Variants in TRAF3IP2 observed in about 807,000 individuals in gnomAD.
TRAF3IP2 encodes the protein TRAF3 interacting protein 2.
A neutral mutation model predicts 57.9 loss-of-function variants in TRAF3IP2; 35 were observed. That is an observed-to-expected ratio of 0.60 (90% CI 0.46 to 0.80). The LOEUF (loss-of-function observed/expected upper bound fraction) is 0.80, where lower values mean the gene tolerates loss of function less well. Ranked by LOEUF, TRAF3IP2 falls within the 30% of genes least tolerant of loss-of-function variation. TRAF3IP2 has a pLI of 0.00. For missense variants in TRAF3IP2, 556 were observed against 706.4 expected (o/e 0.79, Z 2.41); for synonymous variants, 251 against 268.9 (o/e 0.93, Z 0.65).
At chr6:111,599,715 CA>C (rs929207190) in intron 1 of TRAF3IP2, among the ~76,000 whole-genome samples, 5 of 152,080 alleles carry the variant, frequency 3.3e-5, no homozygotes, top group African/African-American at 1.2e-4. Flanking sequence ...CAGAGTTCAC[CA>C]AAAAGCTTTT....
Position 111,591,338 on chromosome 6 carries a change from A to T in TRAF3IP2, c.749T>A (p.Met250Lys), listed in dbSNP as rs754775237. The change falls in exon 2 of 9, where the codon ATG becomes AAG. Residue 250 changes from methionine to lysine, a missense_variant. Physicochemically the swap from Met to Lys is moderately conservative, Grantham distance 95. Coordinates refer to ENST00000368761, the MANE Select transcript of TRAF3IP2 (RefSeq NM_147686.4). This position sits in a 1 kb window ranked among gnomAD's most constrained non-coding sequence, Gnocchi z 4.9. ...EPQRYPACAQ[M>K]LPPNLSPHAP... ...ATGTGGGGAAAGATTGGGAGGCAGC[A>T]TCTGTGCACATGCTGGATACCTCTG... 5.2e-6 allele frequency: 8 copies of T among 1,524,280 alleles called. No homozygotes were observed. In the Admixed American group the frequency reaches 1.3e-4, roughly 26 times the overall value. 94.4% of individuals were successfully genotyped at this position (1,524,280 alleles called of 1,614,324 possible). A position where few individuals can be genotyped will look rare whatever the true frequency, so the allele number is the denominator to read the frequency against.
At chr6:111,571,194 G>C (rs1206991725) in intron 5 of TRAF3IP2, among the ~76,000 whole-genome samples, 1 of 151,708 alleles carries the variant, frequency 6.6e-6, no homozygotes, top group Non-Finnish European at 1.5e-5. Flanking sequence ...TCCTGCCTCA[G>C]CCTCCCAAGT....
intron 1 of TRAF3IP2, chr6:111,597,975 G>C: frequency 2.2e-6 from 1 of 446,028 alleles, no homozygotes; most frequent in East Asian, 7.0e-5. Flanking sequence ...CTCCTCAGGG[G>C]AACAGGAGAC....
Position 111,591,611 on chromosome 6 carries a change from G to A in TRAF3IP2, c.476C>T (p.Ser159Leu), listed in dbSNP as rs372064320. Residue 159 changes from serine to leucine, a missense_variant, in exon 2 of 9, where the codon TCA (serine) becomes TTA (leucine). This residue lies in a region of TRAF3IP2 where 428 missense variants were observed against 498.7 expected (regional missense o/e 0.86). Transcript: ENST00000368761. This position sits in a 1 kb window ranked among gnomAD's most constrained non-coding sequence, Gnocchi z 4.9. ...TGAGGCATTAGGTAAACTTTGGTCTGATTTGTCTGAGTCATGGCCAGTGTC... is the reference window on the plus strand; with the variant it reads ...TGAGGCATTAGGTAAACTTTGGTCTAATTTGTCTGAGTCATGGCCAGTGTC... ...SPDTGHDSDK[S>L]DQSLPNASAD... 4 of 1,614,238 alleles carry A rather than the reference G, an allele frequency of 2.5e-6. No homozygotes were observed. The highest frequency in any genetic ancestry group is 3.4e-6 in the Non-Finnish European group (4 of 1,180,040).
chr6:111,567,623 C>T lies in TRAF3IP2; in HGVS notation c.1359+1G>A. 1 of 1,606,356 alleles carries T rather than the reference C, an allele frequency of 6.2e-7. No individual in the cohort carries two copies. The highest frequency in any genetic ancestry group is 8.5e-7 in the Non-Finnish European group (1 of 1,176,964). ...AACTCTGGTTTTTGGAATGTACTTACATCCCTAAGGTAGCGCTCCATCCAT... is the reference window on the plus strand; with the variant it reads ...AACTCTGGTTTTTGGAATGTACTTATATCCCTAAGGTAGCGCTCCATCCAT... On this transcript the variant is annotated splice_donor_variant, in intron 6 of 8. Transcript: ENST00000368761. LOFTEE classifies it high-confidence loss of function.
chr6:111,568,265 T>G (rs1387370110), intron 5 of TRAF3IP2, among the ~76,000 whole-genome samples: 1 of 152,156 alleles, frequency 6.6e-6, no homozygotes, highest in Non-Finnish European at 1.5e-5. Context: ...GGGAAGAGGT[T>G]TATGATGAAA....
intron 5 of TRAF3IP2, among the ~76,000 whole-genome samples, chr6:111,569,768 A>G (rs1268045038): frequency 6.6e-6 from 1 of 152,224 alleles, no homozygotes; most frequent in Non-Finnish European, 1.5e-5. Context: ...AAAAAATTAA[A>G]TAAATAAAAA....
chr6:111,588,895 T>C (rs1796419470), intron 2 of TRAF3IP2, among the ~76,000 whole-genome samples: 1 of 152,180 alleles, frequency 6.6e-6, no homozygotes, highest in Non-Finnish European at 1.5e-5. Flanking sequence ...ACTATTTTAA[T>C]TTTAGATTAA....
intron 1 of TRAF3IP2, chr6:111,598,344 G>A (rs1217443795): frequency 6.1e-6 from 1 of 165,016 alleles, no homozygotes; most frequent in Non-Finnish European, 1.3e-5. Flanking sequence ...AATTTCCCCT[G>A]CAGAGATATG....
intron 5 of TRAF3IP2, 63 bp downstream of exon 5, chr6:111,572,832 C>CT: frequency 7.7e-7 from 1 of 1,292,598 alleles, no homozygotes; most frequent in South Asian, 1.2e-5. Flanking sequence ...TTTTCTTCTG[C>CT]TGCTTTTCTC....
chr6:111,573,040 A>G, intron 4 of TRAF3IP2, 57 bp from the exon 5 acceptor site: 4 of 1,339,116 alleles, frequency 3.0e-6, no homozygotes, highest in Non-Finnish European at 4.3e-6. Context: ...ATTGTAAACA[A>G]ACTTCTAAAT....
intron 1 of TRAF3IP2, among the ~76,000 whole-genome samples, chr6:111,596,589 G>A (rs892611892): frequency 2.6e-5 from 4 of 152,238 alleles, no homozygotes; most frequent in Non-Finnish European, 4.4e-5. Flanking sequence ...GAGTAGCTGT[G>A]ATTACAGGTG....
chr6:111,583,863 T>C (rs7766190), intron 2 of TRAF3IP2, among the ~76,000 whole-genome samples: 91,899 of 151,874 alleles, frequency 0.61, 28,109 homozygotes, highest in Admixed American at 0.68. Context: ...CTGCTGTCCA[T>C]TTGTTTTGGG....
intron 7 of TRAF3IP2, among the ~76,000 whole-genome samples, chr6:111,566,029 C>G (rs1795624182): frequency 6.6e-6 from 1 of 152,166 alleles, no homozygotes; most frequent in Non-Finnish European, 1.5e-5. Context: ...CAGCAGGTGT[C>G]CCTTTCACTA....
chr6:111,595,321 C>G (rs1330091524), intron 1 of TRAF3IP2, among the ~76,000 whole-genome samples: 1 of 152,172 alleles, frequency 6.6e-6, no homozygotes, highest in Non-Finnish European at 1.5e-5. Context: ...GAAACAACTT[C>G]TAATAAAACT....
At chr6:111,604,173 G>T (rs1194470585) in intron 1 of TRAF3IP2, among the ~76,000 whole-genome samples, 2 of 152,128 alleles carry the variant, frequency 1.3e-5, no homozygotes, top group Admixed American at 6.5e-5. Flanking sequence ...GTCAGCTAGG[G>T]CCTGTTTGAA....
rs752583742 is a variant in TRAF3IP2, at chr6:111,591,479, G to A, written c.608C>T (p.Pro203Leu). ...PTIDTGYDSQPQDVLGIRQLE... is the reference protein window; with the variant it reads ...PTIDTGYDSQLQDVLGIRQLE... ...CTGCCTGATGCCCAGGACATCCTGG[G>A]GCTGGGAATCATATCCCGTGTCTAT... The change falls in exon 2 of 9, where the codon CCC (proline) becomes CTC (leucine). Residue 203 changes from proline (P) to leucine (L), a missense_variant. By Grantham distance (98) the Pro-to-Leu change is moderately conservative. Transcript: ENST00000368761. This position sits in a 1 kb window ranked among gnomAD's most constrained non-coding sequence, Gnocchi z 4.9. 7 of 1,605,248 alleles carry A rather than the reference G, an allele frequency of 4.4e-6. No homozygotes were observed.
intron 2 of TRAF3IP2, among the ~76,000 whole-genome samples, chr6:111,581,365 A>G (rs1237996234): frequency 2.0e-5 from 3 of 152,170 alleles, no homozygotes; most frequent in South Asian, 4.1e-4. Context: ...AGCACCTCCT[A>G]GTGATCCAAG....
intron 1 of TRAF3IP2, among the ~76,000 whole-genome samples, chr6:111,597,522 CA>C (rs1395129060): frequency 6.6e-6 from 1 of 152,220 alleles, no homozygotes; most frequent in Non-Finnish European, 1.5e-5. Flanking sequence ...AATGCCACAT[CA>C]GGGGGCCACA....
Sources: allele counts gnomAD v4.1 joint callset (sites outside exome capture counted in the v4.1 genomes callset), GRCh38; gene constraint gnomAD v4.1.1; regional missense constraint gnomAD v4.1.1; non-coding constraint Gnocchi (gnomAD v3.1); transcripts MANE v1.5; gene names NCBI Gene and HGNC (gene_info 2026-07-23, HGNC 2026-07-21).